Variants in CDC42BPA observed in about 807,000 individuals in gnomAD.
CDC42BPA encodes serine/threonine-protein kinase MRCK alpha.
In CDC42BPA, 80 loss-of-function variants were observed where a neutral mutation model predicts 223.5. That is an observed-to-expected ratio of 0.36 (90% CI 0.30 to 0.43). The LOEUF is 0.43. Among genes scored for constraint, CDC42BPA ranks in the 20% least tolerant of loss-of-function variants. CDC42BPA has a pLI of 1.00. For missense variants in CDC42BPA, 1,743 were observed against 2,099.9 expected (o/e 0.83, Z 3.32); for synonymous variants, 694 against 718.6 (o/e 0.97, Z 0.55).
rs557448863 is a variant in CDC42BPA, at chr1:227,229,835, G to A, written c.271-16616C>T. Among the ~76,000 whole-genome samples, 9 of 152,068 alleles carry A rather than the reference G, an allele frequency of 5.9e-5. No individual in the cohort carries two copies. In the South Asian group the frequency reaches 1.9e-3, roughly 32 times the overall value. On this transcript the variant is annotated intron_variant, in intron 2 of 36. Transcript: ENST00000366766. ...AAGTGAACTGTCTTACTGCTTTCTG[G>A]AAATTACATGTCCTTTTTCTGCTAG...
chr1:227,076,441 G>A (rs1679498758), intron 17 of CDC42BPA, among the ~76,000 whole-genome samples: 1 of 152,052 alleles, frequency 6.6e-6, no homozygotes, highest in African/African-American at 2.4e-5. Context: ...ATTTTTAGTA[G>A]AGATGAGGCT....
intron 1 of CDC42BPA, among the ~76,000 whole-genome samples, chr1:227,260,929 C>T (rs1450382292): frequency 6.6e-6 from 1 of 150,772 alleles, no homozygotes; most frequent in Non-Finnish European, 1.5e-5. Flanking sequence ...ATCAATTATG[C>T]CAGGCTCTGT....
intron 5 of CDC42BPA, among the ~76,000 whole-genome samples, chr1:227,162,983 C>CGT (rs1553371380): frequency 3.2e-4 from 15 of 46,192 alleles, no homozygotes; most frequent in African/African-American, 1.9e-3. Flanking sequence ...TGTTTCCAAA[C>CGT]ATGTTTCCAA....
chr1:227,104,336 T>C (rs1685534380), intron 14 of CDC42BPA, among the ~76,000 whole-genome samples: 2 of 152,146 alleles, frequency 1.3e-5, no homozygotes, highest in South Asian at 4.1e-4. Context: ...ATTATAATAC[T>C]GCAAAGAATT....
rs748567497 is a variant in CDC42BPA, at chr1:227,034,741, C to T, written c.3390G>A (p.Val1130=). 1 of 1,613,706 alleles carries T rather than the reference C, an allele frequency of 6.2e-7. No homozygotes were observed. Among genetic ancestry groups the T allele is most frequent in the Non-Finnish European group, 8.5e-7 (1 of 1,179,790 alleles). The stretch of plus-strand genomic sequence containing the variant: ...CGTACAGAAAGAGTTTGAAGTCACA[C>T]ACTATAGCCAGTGCTCTCTGCCACC... ...KKGWQRALAI[V]CDFKLFLYDI... is the part of the protein sequence containing the mutation. Residue 1130 remains valine, a synonymous_variant, in exon 26 of 37, where the codon GTG becomes GTA. Coordinates refer to ENST00000366766, the MANE Select transcript of CDC42BPA (RefSeq NM_001394014.1).
intron 2 of CDC42BPA, among the ~76,000 whole-genome samples, chr1:227,245,354 A>G (rs1261258347): frequency 2.2e-5 from 3 of 134,694 alleles, no homozygotes; most frequent in Non-Finnish European, 4.5e-5. Flanking sequence ...CAGTGGTGCC[A>G]TCTCAGCTCA....
intron 2 of CDC42BPA, among the ~76,000 whole-genome samples, chr1:227,236,233 C>A (rs1558835047): frequency 6.6e-6 from 1 of 152,190 alleles, no homozygotes; most frequent in Non-Finnish European, 1.5e-5. Context: ...GAATGACAGA[C>A]TGACCTCTAA....
chr1:227,259,001 G>A (rs1683588120), intron 1 of CDC42BPA, among the ~76,000 whole-genome samples: 1 of 151,130 alleles, frequency 6.6e-6, no homozygotes, highest in South Asian at 2.1e-4. Context: ...ATGCTATTCT[G>A]AATAGATGCT....
intron 21 of CDC42BPA, among the ~76,000 whole-genome samples, chr1:227,056,412 G>C (rs1170474935): frequency 2.7e-5 from 4 of 149,526 alleles, no homozygotes; most frequent in Non-Finnish European, 5.9e-5. Context: ...TTTGAGACAA[G>C]GTCTTTCTCT....
At chr1:227,303,682 A>T (rs556516471) in intron 1 of CDC42BPA, among the ~76,000 whole-genome samples, 2 of 152,312 alleles carry the variant, frequency 1.3e-5, no homozygotes, top group Non-Finnish European at 2.9e-5. Context: ...CTCAGCTTTC[A>T]CCACTGCTAA....
chr1:227,235,443 AT>A (rs1678832105), intron 2 of CDC42BPA: 1 of 152,212 alleles, frequency 6.6e-6, no homozygotes. Flanking sequence ...GGCAAGTTGA[AT>A]ATAGCAAGTG....
intron 5 of CDC42BPA, among the ~76,000 whole-genome samples, chr1:227,176,898 A>C (rs1330780258): frequency 6.6e-6 from 1 of 151,978 alleles, no homozygotes; most frequent in African/African-American, 2.4e-5. Context: ...TTTATCATAA[A>C]GCTTCATCAC....
In CDC42BPA at chr1:227,017,037, C is replaced by T. The variant is rs1666414778; in HGVS notation, c.4629G>A (p.Leu1543=). Residue 1543 remains leucine, a synonymous_variant, in exon 33 of 37, where the codon CTG becomes CTA. Transcript: ENST00000366766. The part of the protein sequence containing the change: ...FKNKMAEGDE[L]VVPETSDNSR... ...TATTATCTGATGTTTCAGGTACTAC[C>T]AGTTCGTCCCCTTCTGTTAAAATAA... 2 of 1,610,508 alleles carry T rather than the reference C, an allele frequency of 1.2e-6. No homozygotes were observed. Among genetic ancestry groups the T allele is most frequent in the African/African-American group, 1.3e-5 (1 of 74,788 alleles).
chr1:227,299,983 C>G (rs901160827), intron 1 of CDC42BPA, among the ~76,000 whole-genome samples: 1 of 152,142 alleles, frequency 6.6e-6, no homozygotes, highest in East Asian at 1.9e-4. Flanking sequence ...TTCTCAGAGT[C>G]CTACAGTTCA....
intron 21 of CDC42BPA, among the ~76,000 whole-genome samples, chr1:227,062,689 A>G (rs924588340): frequency 1.3e-5 from 2 of 152,126 alleles, no homozygotes; most frequent in African/African-American, 4.8e-5. Flanking sequence ...TGCTTTCCAC[A>G]TTGCATAGTG....
intron 1 of CDC42BPA, among the ~76,000 whole-genome samples, chr1:227,283,244 A>G (rs1322874229): frequency 6.6e-6 from 1 of 152,152 alleles, no homozygotes; most frequent in African/African-American, 2.4e-5. Context: ...ATATTTTTGT[A>G]AGCAAACATT....
chr1:227,006,192 T>G (rs1260549039), intron 34 of CDC42BPA, among the ~76,000 whole-genome samples: 1 of 152,220 alleles, frequency 6.6e-6, no homozygotes, highest in Non-Finnish European at 1.5e-5. Flanking sequence ...TTCTTACAAT[T>G]TATAAACAGA....
intron 1 of CDC42BPA, among the ~76,000 whole-genome samples, chr1:227,313,696 A>C (rs561624186): frequency 6.6e-6 from 1 of 152,290 alleles, no homozygotes; most frequent in Admixed American, 6.5e-5. Flanking sequence ...TGTGAAGAAC[A>C]AAAGTGTCCT....
intron 1 of CDC42BPA, among the ~76,000 whole-genome samples, chr1:227,290,261 TTAAGAG>T (rs1037579333): frequency 3.9e-5 from 6 of 152,144 alleles, no homozygotes; most frequent in African/African-American, 1.2e-4. Context: ...CATTAATTCC[TTAAGAG>T]TAAGCTCAAA....
Sources: allele counts gnomAD v4.1 joint callset (sites outside exome capture counted in the v4.1 genomes callset), GRCh38; gene constraint gnomAD v4.1.1; transcripts MANE v1.5; gene names NCBI Gene and HGNC (gene_info 2026-07-23, HGNC 2026-07-21).